Variants in ROBO2 observed in about 807,000 individuals in gnomAD.
ROBO2 encodes roundabout homolog 2.
In ROBO2, 53 loss-of-function variants were observed where a neutral mutation model predicts 160.8. The ratio of observed to expected loss-of-function variants is 0.33; its 90% CI spans 0.26 to 0.41. ROBO2 has a LOEUF of 0.41. Among genes scored for constraint, ROBO2 ranks in the 10% least tolerant of loss-of-function variants. ROBO2 has a pLI of 1.00. For synonymous variants in ROBO2, 664 were observed against 611.7 expected, an observed-to-expected ratio of 1.09 and a Z score of -1.26; for missense variants, 1,577 against 1,722.4, an observed-to-expected ratio of 0.92 and a Z score of 1.49.
At chr3:76,964,210 A>G (rs958196651) in intron 2 of ROBO2, among the ~76,000 whole-genome samples, 1 of 152,204 alleles carries the variant, frequency 6.6e-6, no homozygotes, top group Non-Finnish European at 1.5e-5. Flanking sequence ...AAAGGGAAAA[A>G]TGTGGATAGT....
At chr3:76,257,677 A>G (rs1253972189) in intron 2 of ROBO2, among the ~76,000 whole-genome samples, 3 of 151,886 alleles carry the variant, frequency 2.0e-5, no homozygotes, top group African/African-American at 7.3e-5. Flanking sequence ...TCGCTATTGT[A>G]TAGTGTATTT....
intron 2 of ROBO2, among the ~76,000 whole-genome samples, chr3:76,362,502 G>A (rs531265645): frequency 1.6e-4 from 25 of 152,142 alleles, no homozygotes; most frequent in Admixed American, 2.6e-4. Context: ...CTAATCAGCC[G>A]TGTTAGCTTA....
intron 2 of ROBO2, among the ~76,000 whole-genome samples, chr3:76,329,728 A>G (rs1354484140): frequency 6.6e-6 from 1 of 152,232 alleles, no homozygotes; most frequent in Non-Finnish European, 1.5e-5. Context: ...TCTAAAAAAT[A>G]ATAGACATTT....
intron 2 of ROBO2, among the ~76,000 whole-genome samples, chr3:76,852,244 C>A (rs2148546474): frequency 6.6e-6 from 1 of 152,286 alleles, no homozygotes; most frequent in South Asian, 2.1e-4. Flanking sequence ...ATACTTGTTA[C>A]AGATTATTCT....
chr3:76,275,826 A>G (rs1031121557), intron 2 of ROBO2, among the ~76,000 whole-genome samples: 14 of 152,138 alleles, frequency 9.2e-5, no homozygotes, highest in African/African-American at 3.4e-4. Context: ...TCCCACCTGT[A>G]AATGACTTCC....
At chr3:77,164,551 C>T (rs1459838478) in intron 2 of ROBO2, among the ~76,000 whole-genome samples, 4 of 143,602 alleles carry the variant, frequency 2.8e-5, no homozygotes, top group African/African-American at 5.1e-5. Flanking sequence ...GTCAGACCCC[C>T]GCCCGGCCAG....
chr3:77,114,110 A>G (rs945436597), intron 2 of ROBO2, among the ~76,000 whole-genome samples: 1 of 152,148 alleles, frequency 6.6e-6, no homozygotes, highest in Admixed American at 6.6e-5. Context: ...ACCATTTTCT[A>G]CTATTAACTA....
rs1000906419 is a variant in ROBO2, at chr3:76,793,571, TA to T, written c.110-304439del. Among the ~76,000 whole-genome samples, 145 of 151,948 alleles carry T rather than the reference TA, an allele frequency of 9.5e-4. 1 individual carries two copies. The highest frequency in any genetic ancestry group is 3.4e-3 in the African/African-American group (140 of 41,524). On this transcript the variant is annotated intron_variant, in intron 2 of 26. Coordinates refer to the ROBO2 transcript ENST00000487694. The stretch of plus-strand genomic sequence containing the variant: ...AAACACAGTAAGCATTCTGTAGGAG[TA>T]AAATCATAATAGTGAATTCTTTTTT...
At chr3:77,498,563 C>T (rs556771842) in intron 5 of ROBO2, among the ~76,000 whole-genome samples, 1 of 151,488 alleles carries the variant, frequency 6.6e-6, no homozygotes, top group East Asian at 1.9e-4. Context: ...TTTGCATAAG[C>T]ACATGATTCT....
At chr3:77,080,500 T>C (rs1166801033) in intron 1 of ROBO2, among the ~76,000 whole-genome samples, 1 of 152,198 alleles carries the variant, frequency 6.6e-6, no homozygotes, top group Non-Finnish European at 1.5e-5. Context: ...TAGGAATTGA[T>C]GTGGCTTTGA....
chr3:77,366,852 T>C (rs2070956386), intron 2 of ROBO2, among the ~76,000 whole-genome samples: 1 of 151,668 alleles, frequency 6.6e-6, no homozygotes, highest in Admixed American at 6.6e-5. Context: ...TCTTTTTAAC[T>C]ACTAGTTCTT....
intron 2 of ROBO2, among the ~76,000 whole-genome samples, chr3:76,871,815 G>A (rs933361677): frequency 6.6e-6 from 1 of 152,058 alleles, no homozygotes; most frequent in African/African-American, 2.4e-5. Context: ...GAGTCTTGTA[G>A]CCACCAGCTC....
intron 2 of ROBO2, among the ~76,000 whole-genome samples, chr3:76,956,006 G>T (rs1262452040): frequency 6.6e-6 from 1 of 151,582 alleles, no homozygotes; most frequent in Admixed American, 6.6e-5. Flanking sequence ...TTTCCACCAA[G>T]AATTTTAGAT....
intron 2 of ROBO2, among the ~76,000 whole-genome samples, chr3:76,569,119 T>C (rs1473760474): frequency 1.3e-5 from 2 of 152,174 alleles, no homozygotes; most frequent in African/African-American, 4.8e-5. Flanking sequence ...TAGACACCCA[T>C]CTATATTTTC....
In ROBO2 at chr3:77,418,396, T is replaced by C. The variant is rs1295119273; in HGVS notation, c.389-59018T>C. Among the ~76,000 whole-genome samples the C allele has an allele frequency of 2.0e-5, 3 of 152,140 alleles. No homozygotes were observed. The East Asian group carries it at 5.8e-4, about 29-fold the overall frequency. On this transcript the variant is annotated intron_variant, in intron 2 of 25. Coordinates refer to ENST00000461745, the Ensembl canonical transcript of ROBO2. Reference sequence around the variant, plus strand: ...TTATTGCGGTTATAAATGGTAATCTTTTAAATTGTAAGGTTTTTAAATTAA... The same window carrying C: ...TTATTGCGGTTATAAATGGTAATCTCTTAAATTGTAAGGTTTTTAAATTAA...
At chr3:76,097,222 C>T (rs2069488082) in intron 2 of ROBO2, among the ~76,000 whole-genome samples, 1 of 152,122 alleles carries the variant, frequency 6.6e-6, no homozygotes, top group Non-Finnish European at 1.5e-5. Context: ...GCTGCAGCCA[C>T]AGAGTTGTTA....
intron 2 of ROBO2, among the ~76,000 whole-genome samples, chr3:77,032,987 T>G (rs188913045): frequency 1.8e-4 from 27 of 152,284 alleles, no homozygotes; most frequent in African/African-American, 6.5e-4. Context: ...TCTGTCATGA[T>G]AGAGGATTAT....
chr3:76,041,360 G>A (rs1200484890), intron 2 of ROBO2, among the ~76,000 whole-genome samples: 2 of 151,898 alleles, frequency 1.3e-5, no homozygotes, highest in Non-Finnish European at 2.9e-5. Flanking sequence ...AACTTATGTA[G>A]AACTTTTGTG....
At chr3:76,871,567 A>G (rs956124868) in intron 2 of ROBO2, among the ~76,000 whole-genome samples, 2 of 151,810 alleles carry the variant, frequency 1.3e-5, no homozygotes, top group South Asian at 4.1e-4. Context: ...AAAAGAAAAA[A>G]AAAGAAAAAG....
Sources: allele counts gnomAD v4.1 joint callset (sites outside exome capture counted in the v4.1 genomes callset), GRCh38; gene constraint gnomAD v4.1.1; transcripts MANE v1.5; gene names NCBI Gene and HGNC (gene_info 2026-07-23, HGNC 2026-07-21).